The following DOCK1 variants were observed in gnomAD, a reference collection of about 807,000 sequenced individuals.
DOCK1 encodes dedicator of cytokinesis protein 1.
In DOCK1, 138 loss-of-function variants were observed where a neutral mutation model predicts 262.7. The observed-to-expected ratio is 0.53, with a 90% CI of 0.46 to 0.61. DOCK1 has a LOEUF of 0.61. Among genes scored for constraint, DOCK1 ranks in the 20% least tolerant of loss-of-function variants. The pLI is 0.00. For synonymous variants in DOCK1, 866 were observed against 867.4 expected, an observed-to-expected ratio of 1.00 and a Z score of 0.03; for missense variants, 1,908 against 2,370.7, an observed-to-expected ratio of 0.80 and a Z score of 4.05.
At chr10:127,349,373 C>T (rs186309308) in intron 31 of DOCK1, among the ~76,000 whole-genome samples, 3 of 152,190 alleles carry the variant, frequency 2.0e-5, no homozygotes, top group East Asian at 3.9e-4. Flanking sequence ...TGCTTTTCTT[C>T]GCTCTCAGGA....
chr10:127,203,510 T>C (rs1262035322), intron 27 of DOCK1, among the ~76,000 whole-genome samples: 2 of 152,152 alleles, frequency 1.3e-5, no homozygotes, highest in African/African-American at 4.8e-5. Flanking sequence ...CTATGAAACA[T>C]TGGAAAGCAA....
chr10:127,101,091 G>A (rs1234496269), intron 23 of DOCK1, among the ~76,000 whole-genome samples: 1 of 152,130 alleles, frequency 6.6e-6, no homozygotes, highest in Admixed American at 6.5e-5. Context: ...CACAGGGCAG[G>A]CAGGTGCCCC....
At chr10:127,349,482 ACCTT>A (rs1380269036) in intron 31 of DOCK1, among the ~76,000 whole-genome samples, 1 of 151,904 alleles carries the variant, frequency 6.6e-6, no homozygotes, top group Non-Finnish European at 1.5e-5. Flanking sequence ...GGTTCCGCAC[ACCTT>A]GGTCTTAGGC....
At chr10:127,401,258 C>T (rs867289940) in intron 38 of DOCK1, among the ~76,000 whole-genome samples, 6 of 152,134 alleles carry the variant, frequency 3.9e-5, no homozygotes, top group Non-Finnish European at 7.3e-5. Context: ...TCCCACGTGG[C>T]GGTGTTACTG....
intron 29 of DOCK1, among the ~76,000 whole-genome samples, chr10:127,326,771 G>A (rs1168863011): frequency 1.3e-5 from 2 of 152,168 alleles, no homozygotes; most frequent in Non-Finnish European, 2.9e-5. Flanking sequence ...ATCTCTGGCA[G>A]CTATAGCCTT....
chr10:127,074,702 T>C (rs1438372046), intron 23 of DOCK1, among the ~76,000 whole-genome samples: 1 of 152,214 alleles, frequency 6.6e-6, no homozygotes, highest in Non-Finnish European at 1.5e-5. Flanking sequence ...AATCACAAAT[T>C]GTCTTCTATC....
At chr10:126,917,233 C>T (rs2032609594) in intron 1 of DOCK1, among the ~76,000 whole-genome samples, 1 of 152,236 alleles carries the variant, frequency 6.6e-6, no homozygotes. Context: ...ATTAGCTCCT[C>T]TCCGCTCAGG....
At chr10:127,039,540 C>T (rs1391506955) in intron 19 of DOCK1, among the ~76,000 whole-genome samples, 1 of 152,106 alleles carries the variant, frequency 6.6e-6, no homozygotes. Flanking sequence ...GTGCTGGTAC[C>T]ACGCAAGCCT....
intron 27 of DOCK1, among the ~76,000 whole-genome samples, chr10:127,217,152 G>T (rs184569474): frequency 2.0e-5 from 3 of 152,244 alleles, no homozygotes; most frequent in Non-Finnish European, 2.9e-5. Flanking sequence ...ATTAGAGCTA[G>T]AACCAGTGTC....
chr10:126,969,746 G>A (rs1253271042), intron 1 of DOCK1, among the ~76,000 whole-genome samples: 2 of 152,164 alleles, frequency 1.3e-5, no homozygotes, highest in African/African-American at 4.8e-5. Context: ...AGGGCCCAGG[G>A]AAGGGAGTGT....
intron 29 of DOCK1, among the ~76,000 whole-genome samples, chr10:127,297,897 A>G (rs1437958678): frequency 6.6e-6 from 1 of 152,044 alleles, no homozygotes; most frequent in Non-Finnish European, 1.5e-5. Flanking sequence ...CCCATTACCT[A>G]TTGGGATGCC....
intron 38 of DOCK1, among the ~76,000 whole-genome samples, chr10:127,400,354 G>T (rs1300725143): frequency 1.3e-5 from 2 of 152,224 alleles, no homozygotes; most frequent in Non-Finnish European, 2.9e-5. Context: ...GCGGGTGGGG[G>T]CTCAGTGCCA....
intron 47 of DOCK1, among the ~76,000 whole-genome samples, 174 bp from the exon 48 acceptor site, chr10:127,433,109 C>G (rs1337701636): frequency 6.6e-6 from 1 of 152,116 alleles, no homozygotes; most frequent in African/African-American, 2.4e-5. Context: ...TTAAAAGACT[C>G]AAAAATAATC....
At chr10:127,101,050 G>A (rs138758899) in intron 23 of DOCK1, among the ~76,000 whole-genome samples, 66 of 152,226 alleles carry the variant, frequency 4.3e-4, no homozygotes, top group African/African-American at 1.6e-3. Flanking sequence ...GGAGGGCCTT[G>A]AGCAGACAGC....
chr10:127,419,776 T>A (rs2068388248), intron 46 of DOCK1, 27 bp downstream of exon 46: 1 of 1,567,716 alleles, frequency 6.4e-7, no homozygotes, highest in Admixed American at 1.9e-5. Context: ...GAGTCCTGCA[T>A]GGCTGGAGGG....
intron 23 of DOCK1, among the ~76,000 whole-genome samples, chr10:127,075,658 A>C (rs1228103631): frequency 6.6e-6 from 1 of 152,200 alleles, no homozygotes; most frequent in African/African-American, 2.4e-5. Flanking sequence ...TGGCGGCAGG[A>C]GAGAGAGCGG....
intron 2 of DOCK1, among the ~76,000 whole-genome samples, chr10:126,974,789 C>T (rs2038391317): frequency 6.6e-6 from 1 of 152,100 alleles, no homozygotes; most frequent in Non-Finnish European, 1.5e-5. Context: ...GGTCTAATCT[C>T]TTTCTGTATT....
Position 127,032,215 on chromosome 10 carries a change from C to T in DOCK1, c.1807C>T (p.His603Tyr). Residue 603 changes from histidine to tyrosine, a missense_variant, in exon 18 of 52, where the codon CAC becomes TAC. His to Tyr is a moderately conservative substitution (Grantham distance 83, BLOSUM62 2). Around this residue, in one of 9 missense-constraint regions of DOCK1, gnomAD observed 294 missense variants for 439.9 expected, o/e 0.67. Coordinates refer to ENST00000623213, the MANE Select transcript of DOCK1 (RefSeq NM_001290223.2). Reference sequence around the variant, plus strand: ...GAAGGCAGAGTTGGAAGAAAAGGGCCACTCGGCCACCGGCAAGAGCATGCA... The same window carrying T: ...GAAGGCAGAGTTGGAAGAAAAGGGCTACTCGGCCACCGGCAAGAGCATGCA... ...STKAELEEKG[H>Y]SATGKSMQSL... The T allele has an allele frequency of 6.2e-7, 1 of 1,600,488 alleles. No homozygotes were observed. Among genetic ancestry groups the T allele is most frequent in the Non-Finnish European group, 8.5e-7 (1 of 1,173,472 alleles).
intron 29 of DOCK1, among the ~76,000 whole-genome samples, chr10:127,297,276 C>A (rs2061534702): frequency 6.6e-6 from 1 of 152,152 alleles, no homozygotes; most frequent in Admixed American, 6.5e-5. Context: ...GTAGGATAAG[C>A]TAACCTGTGG....
Sources: allele counts gnomAD v4.1 joint callset (sites outside exome capture counted in the v4.1 genomes callset), GRCh38; gene constraint gnomAD v4.1.1; regional missense constraint gnomAD v4.1.1; transcripts MANE v1.5; gene names NCBI Gene and HGNC (gene_info 2026-07-23, HGNC 2026-07-21).